A2M: variants seen among roughly 807,000 people sequenced by gnomAD.
A2M encodes the protein alpha-2-macroglobulin.
Under a neutral mutation model 183.9 loss-of-function variants are expected in A2M, and 128 were observed. The ratio of observed to expected loss-of-function variants is 0.70; its 90% CI spans 0.60 to 0.81. The LOEUF is 0.81. Ranked by LOEUF, A2M falls within the 30% of genes least tolerant of loss-of-function variation. The pLI is 0.00. For synonymous variants in A2M, 592 were observed against 670.8 expected (o/e 0.88, Z 1.81); for missense variants, 1,495 against 1,787.6 (o/e 0.84, Z 2.95).
At chr12:9,099,239 T>C (rs1398522413) in intron 14 of A2M, 142 bp downstream of exon 14, 17 of 748,234 alleles carry the variant, frequency 2.3e-5, no homozygotes, top group Non-Finnish European at 3.6e-5. Context: ...CTTCTTAGTG[T>C]GACTCTGCCA....
intron 35 of A2M, 34 bp downstream of exon 35, chr12:9,068,149 C>T: frequency 1.2e-6 from 2 of 1,612,054 alleles, no homozygotes; most frequent in Non-Finnish European, 1.7e-6. Flanking sequence ...TGAAGGAGCT[C>T]TGACTGCCTT....
At chr12:9,109,300 A>G (rs753622673) in intron 7 of A2M, 21 bp downstream of exon 7, 3 of 1,583,186 alleles carry the variant, frequency 1.9e-6, no homozygotes, top group Non-Finnish European at 2.6e-6. Flanking sequence ...CCCACAAAAG[A>G]TTTTTAAAAA....
chr12:9,106,834 C>A (rs1288524101), intron 8 of A2M, among the ~76,000 whole-genome samples: 1 of 151,922 alleles, frequency 6.6e-6, no homozygotes, highest in Non-Finnish European at 1.5e-5. Context: ...AGATATATTG[C>A]GATAGAAATG....
rs1483494094 is a variant in A2M, at chr12:9,112,641, T to TCTTACTTAA, written c.271-106_271-105insTTAAGTAAG. ...GAGATCTTGCCCTTCTTACTTAACT[T>TCTTACTTAA]CACTCCCTTGTTCTCAGCAGGGAAA... On this transcript the variant is annotated intron_variant, in intron 2 of 35. Coordinates refer to ENST00000318602, the MANE Select transcript of A2M (RefSeq NM_000014.6). 16 of 1,267,208 alleles carry TCTTACTTAA rather than the reference T, an allele frequency of 1.3e-5. No individual in the cohort carries two copies. The African/African-American group carries it at 2.1e-4, about 16-fold the overall frequency. 78.5% of individuals were successfully genotyped at this position (1,267,208 alleles called of 1,614,324 possible).
At chr12:9,087,482 G>C (rs1949083781) in intron 22 of A2M, among the ~76,000 whole-genome samples, 2 of 152,146 alleles carry the variant, frequency 1.3e-5, no homozygotes, top group Non-Finnish European at 2.9e-5. Context: ...GCAGAGAGTA[G>C]AATGGTGGTT....
rs373956780 is a variant in A2M, at chr12:9,080,105, A to G, written c.2843T>C (p.Val948Ala). ...NVVEESARAS[V>A]SVLGDILGSA... ...GGCTGGAGACTCACCCAAAACTGAGACAGAAGCTCGGGCAGATTCTTCTAC... is the reference window on the plus strand; with the variant it reads ...GGCTGGAGACTCACCCAAAACTGAGGCAGAAGCTCGGGCAGATTCTTCTAC... Residue 948 changes from valine to alanine, a missense_variant, in exon 23 of 36, where the codon GTC (valine) becomes GCC (alanine). By Grantham distance (64) the Val-to-Ala change is moderately conservative. Coordinates refer to ENST00000318602, the MANE Select transcript of A2M (RefSeq NM_000014.6). 7 of 1,585,768 alleles carry G rather than the reference A, an allele frequency of 4.4e-6. No homozygotes were observed. The highest frequency in any genetic ancestry group is 6.0e-6 in the Non-Finnish European group (7 of 1,165,086).
At chr12:9,090,333 A>C (rs775793434) in intron 20 of A2M, 23 bp downstream of exon 20, 2 of 1,613,876 alleles carry the variant, frequency 1.2e-6, no homozygotes, top group Non-Finnish European at 1.7e-6. Context: ...GTAGAGAATT[A>C]TCTCTAGCAG....
chr12:9,077,473 A>G, intron 26 of A2M, 53 bp from the exon 27 acceptor site: 2 of 1,544,606 alleles, frequency 1.3e-6, no homozygotes, highest in Admixed American at 1.8e-5. Flanking sequence ...AATGCTATTG[A>G]TTAGTTCTTT....
intron 4 of A2M, chr12:9,111,514 G>A (rs774024322): frequency 8.8e-6 from 4 of 456,378 alleles, no homozygotes; most frequent in Non-Finnish European, 8.8e-6. Flanking sequence ...ATAAGAAATA[G>A]TCTGAATATA....
chr12:9,098,894 C>T, intron 14 of A2M, 138 bp from the exon 15 acceptor site: 1 of 885,744 alleles, frequency 1.1e-6, no homozygotes, highest in African/African-American at 1.7e-5. Context: ...TTGTGTCAAT[C>T]CTGAAGCTTT....
chr12:9,070,763 A>G (rs1056446956), intron 31 of A2M, among the ~76,000 whole-genome samples, 185 bp from the exon 32 acceptor site: 2 of 151,996 alleles, frequency 1.3e-5, no homozygotes, highest in East Asian at 1.9e-4. Context: ...AGCCACAGAG[A>G]CCAGGCCCTA....
chr12:9,106,610 G>C lies in A2M; in HGVS notation c.880-5C>G, dbSNP rs1228525111. On this transcript the variant is annotated splice_region_variant and splice_polypyrimidine_tract_variant and intron_variant, in intron 8 of 35. Transcript: ENST00000318602. ...GAAGCAGCCATGGCTGTTTAGCTAA[G>C]AAGGGAGAAAATAAAATACAAAAAT... The C allele has an allele frequency of 1.4e-6, 2 of 1,473,424 alleles. No individual in the cohort carries two copies. Among genetic ancestry groups the C allele is most frequent in the African/African-American group, 2.8e-5 (2 of 71,992 alleles). 91.3% of individuals were successfully genotyped at this position (1,473,424 alleles called of 1,614,324 possible).
chr12:9,105,359 A>G (rs1171877540), intron 10 of A2M, among the ~76,000 whole-genome samples: 3 of 152,234 alleles, frequency 2.0e-5, no homozygotes, highest in South Asian at 4.1e-4. Context: ...AAAGTACACT[A>G]TCTTTCTGAG....
At chr12:9,093,908 C>A (rs146538478) in intron 17 of A2M, among the ~76,000 whole-genome samples, 1 of 151,754 alleles carries the variant, frequency 6.6e-6, no homozygotes. Flanking sequence ...AACAAACAAA[C>A]AAACAAACAA....
chr12:9,079,347 A>G lies in A2M; in HGVS notation c.3032-16T>C. The G allele has an allele frequency of 6.2e-7, 1 of 1,607,620 alleles. No individual in the cohort carries two copies. The highest frequency in any genetic ancestry group is 2.2e-5 in the East Asian group (1 of 44,826). ...CTCTGGTAACCTGGAAAGGAAGATT[A>G]ACGAAACAGCACAATGGATTAATGT... On this transcript the variant is annotated splice_polypyrimidine_tract_variant and intron_variant, in intron 24 of 35. Coordinates refer to ENST00000318602, the MANE Select transcript of A2M (RefSeq NM_000014.6).
rs763354132 is a variant in A2M, at chr12:9,083,156, C to T, written c.2771-2979G>A. The stretch of plus-strand genomic sequence containing the variant: ...ATTGCAAGGACAGAAAAACAAACAC[C>T]GCATGTTCTCACTCATAGGTGGGAA... On this transcript the variant is annotated intron_variant, in intron 22 of 35. Transcript: ENST00000318602. Among the ~76,000 whole-genome samples, 89 of 152,142 alleles carry T rather than the reference C, an allele frequency of 5.8e-4. 1 individual carries two copies. The highest frequency in any genetic ancestry group is 2.0e-3 in the African/African-American group (85 of 41,490).
At chr12:9,076,048 T>C (rs1805655) in intron 28 of A2M, among the ~76,000 whole-genome samples, 57,464 of 152,032 alleles carry the variant, frequency 0.38, 11,603 homozygotes, top group African/African-American at 0.49. Flanking sequence ...ATATAGACCA[T>C]GGTATATGTA....
Position 9,072,806 on chromosome 12 carries a change from C to T in A2M, c.3822G>A (p.Lys1274=). The change falls in exon 30 of 36, where the codon AAG becomes AAA. Residue 1274 remains lysine, a synonymous_variant. Transcript: ENST00000318602. ...YGAATFTRTG[K]AAQVTIQSSG... is the part of the protein sequence containing the mutation. ...AAGACTGGATAGTCACCTGTGCAGC[C>T]TTCCCAGTCCTGGTAAATGTGGCTG... 1 of 1,614,188 alleles carries T rather than the reference C, an allele frequency of 6.2e-7. No individual in the cohort carries two copies. The highest frequency in any genetic ancestry group is 1.3e-5 in the African/African-American group (1 of 75,046).
At position 9,077,789 on chromosome 12, in the gene A2M, ATG is replaced by A. The variant is rs1454193077; in HGVS notation, c.3186_3187del (p.Ile1063TyrfsTer35). The A allele has an allele frequency of 3.1e-6, 5 of 1,614,070 alleles. No homozygotes were observed. Among genetic ancestry groups the A allele is most frequent in the Non-Finnish European group, 4.2e-6 (5 of 1,180,034 alleles). The stretch of plus-strand genomic sequence containing the variant: ...GGAGAGCCATATGAGGGCTTGGGTA[ATG>A]TGTGCTTCATCGATGAAGATGTAGG... On this transcript the variant is annotated frameshift_variant, in exon 26 of 36. Coordinates refer to ENST00000318602, the MANE Select transcript of A2M (RefSeq NM_000014.6). LOFTEE classifies it high-confidence loss of function.
Sources: gnomAD v4.1 joint callset for allele counts (sites outside exome capture counted in the v4.1 genomes callset) on GRCh38, gnomAD v4.1.1 for gene constraint, MANE v1.5 for transcripts, NCBI Gene and HGNC (gene_info 2026-07-23, HGNC 2026-07-21) for gene names.